The following ASB3 variants were observed in gnomAD, a reference collection of about 807,000 sequenced individuals.
The protein encoded by ASB3 is ankyrin repeat and SOCS box containing 3, also known as ankyrin repeat and SOCS box protein 3.
ASB3 carries 41 observed loss-of-function variants against 54.5 expected under a neutral mutation model. That is an observed-to-expected ratio of 0.75 (90% CI 0.59 to 0.98). The LOEUF (loss-of-function observed/expected upper bound fraction) is 0.98, where lower values mean the gene tolerates loss of function less well. ASB3 is among the 50% of genes least tolerant of loss of function. The pLI is 0.00. For missense variants in ASB3, 733 were observed against 620.0 expected (o/e 1.18, Z -1.94); for synonymous variants, 266 against 221.2 (o/e 1.20, Z -1.80).
chr2:53,768,974 G>A (rs571009764), intron 1 of ASB3, among the ~76,000 whole-genome samples: 10 of 152,294 alleles, frequency 6.6e-5, no homozygotes, highest in Admixed American at 5.9e-4. Context: ...TTAAAATCAC[G>A]AAAAGAACCT....
intron 8 of ASB3, 147 bp from the exon 9 acceptor site, chr2:53,694,161 G>A (rs1207991931): frequency 1.3e-5 from 11 of 841,474 alleles, no homozygotes; most frequent in South Asian, 3.9e-5. Flanking sequence ...TATGTAACTA[G>A]AGGCAAGATC....
intron 3 of ASB3, among the ~76,000 whole-genome samples, chr2:53,734,885 CTATT>C (rs1478051637): frequency 1.3e-5 from 2 of 149,022 alleles, no homozygotes; most frequent in Non-Finnish European, 3.0e-5. Context: ...TCTTCAATCT[CTATT>C]TATTTTTTTA....
chr2:53,765,218 C>T (rs1673369808), intron 2 of ASB3, 159 bp downstream of exon 2: 2 of 634,526 alleles, frequency 3.2e-6, no homozygotes, highest in Non-Finnish European at 3.9e-6. Context: ...GAATCCAAGG[C>T]AGGCAATCTT....
chr2:53,694,592 C>T (rs1473233998), intron 8 of ASB3: 1 of 152,090 alleles, frequency 6.6e-6, no homozygotes, highest in Non-Finnish European at 1.5e-5. Context: ...TCCAAACAGG[C>T]CTTCCTCTGT....
At chr2:53,756,670 T>C (rs1448475465) in intron 2 of ASB3, among the ~76,000 whole-genome samples, 2 of 152,166 alleles carry the variant, frequency 1.3e-5, no homozygotes, top group African/African-American at 2.4e-5. Context: ...TCCCATTGTA[T>C]GGGAGCTCTG....
chr2:53,718,371 T>C (rs1362801296), intron 5 of ASB3, among the ~76,000 whole-genome samples: 4 of 152,156 alleles, frequency 2.6e-5, no homozygotes, highest in African/African-American at 7.2e-5. Flanking sequence ...TTCAGCATTC[T>C]TAAAGAGAGG....
intron 2 of ASB3, among the ~76,000 whole-genome samples, chr2:53,761,015 T>A (rs1189745572): frequency 1.3e-5 from 2 of 152,158 alleles, no homozygotes; most frequent in South Asian, 4.1e-4. Flanking sequence ...ACCCCTACTA[T>A]GCCCCAATAC....
intron 1 of ASB3, chr2:53,774,293 T>G: frequency 6.2e-7 from 1 of 1,614,148 alleles, no homozygotes. Context: ...AGTGTATTGC[T>G]ATATATTGGA....
chr2:53,712,240 A>G (rs920290776), intron 7 of ASB3, among the ~76,000 whole-genome samples: 2 of 152,082 alleles, frequency 1.3e-5, no homozygotes, highest in African/African-American at 2.4e-5. Flanking sequence ...TACATTAAAA[A>G]CGCTTCTTTG....
At chr2:53,674,048 A>G (rs1359924318) in intron 9 of ASB3, among the ~76,000 whole-genome samples, 2 of 152,220 alleles carry the variant, frequency 1.3e-5, no homozygotes, top group Admixed American at 1.3e-4. Flanking sequence ...TCCCTATGAA[A>G]GTTTTAGTGA....
chr2:53,671,579 G>A (rs1031169018), intron 9 of ASB3, among the ~76,000 whole-genome samples: 3 of 152,104 alleles, frequency 2.0e-5, no homozygotes, highest in African/African-American at 7.2e-5. Flanking sequence ...GACCAACATG[G>A]TGAAACAACG....
intron 9 of ASB3, among the ~76,000 whole-genome samples, chr2:53,688,050 C>A (rs1668724113): frequency 6.6e-6 from 1 of 152,148 alleles, no homozygotes; most frequent in African/African-American, 2.4e-5. Context: ...GAACTCCTGG[C>A]CTCAAGCAAT....
chr2:53,732,338 A>T (rs981833004), intron 3 of ASB3, among the ~76,000 whole-genome samples: 1 of 152,248 alleles, frequency 6.6e-6, no homozygotes, highest in Admixed American at 6.5e-5. Context: ...ACCATATTAA[A>T]AAAAAGCCTG....
chr2:53,773,662 C>G (rs1434290623), intron 1 of ASB3, among the ~76,000 whole-genome samples: 1 of 151,864 alleles, frequency 6.6e-6, no homozygotes, highest in African/African-American at 2.4e-5. Flanking sequence ...CACTCCTGAC[C>G]TCGTGATCCA....
At chr2:53,700,232 C>G (rs754030297) in intron 8 of ASB3, 39 bp downstream of exon 8, 1 of 1,585,754 alleles carries the variant, frequency 6.3e-7, no homozygotes, top group Admixed American at 1.8e-5. Context: ...AGTATATTCA[C>G]TCAAAAAGGG....
At chr2:53,756,440 T>A (rs929394138) in intron 2 of ASB3, among the ~76,000 whole-genome samples, 7 of 152,212 alleles carry the variant, frequency 4.6e-5, no homozygotes, top group Non-Finnish European at 8.8e-5. Flanking sequence ...CTTGGCATGG[T>A]GATGGTTAAT....
intron 3 of ASB3, among the ~76,000 whole-genome samples, chr2:53,746,130 T>C (rs987391498): frequency 2.6e-5 from 4 of 151,570 alleles, no homozygotes; most frequent in African/African-American, 9.7e-5. Flanking sequence ...CTACAAAAAT[T>C]AAACATTAAA....
intron 9 of ASB3, among the ~76,000 whole-genome samples, chr2:53,677,880 A>G (rs1456500377): frequency 6.6e-6 from 1 of 152,206 alleles, no homozygotes; most frequent in Non-Finnish European, 1.5e-5. Context: ...GTTAAGGACA[A>G]GGCTCACTGT....
At chr2:53,718,628 C>T (rs1286552004) in intron 5 of ASB3, among the ~76,000 whole-genome samples, 1 of 152,116 alleles carries the variant, frequency 6.6e-6, no homozygotes, top group Non-Finnish European at 1.5e-5. Flanking sequence ...AAGCAACCAT[C>T]TACCAACTTA....
Sources: allele counts gnomAD v4.1 joint callset (sites outside exome capture counted in the v4.1 genomes callset), GRCh38; gene constraint gnomAD v4.1.1; transcripts MANE v1.5; gene names NCBI Gene and HGNC (gene_info 2026-07-23, HGNC 2026-07-21).